CLDN16: variants seen among roughly 807,000 people sequenced by gnomAD.
CLDN16 encodes the protein claudin 16, also known as claudin-16.
A neutral mutation model predicts 24.6 loss-of-function variants in CLDN16; 13 were observed. The observed-to-expected ratio is 0.53, with a 90% CI of 0.34 to 0.84. The LOEUF (loss-of-function observed/expected upper bound fraction) is 0.84. Ranked by LOEUF, CLDN16 falls within the 40% of genes least tolerant of loss-of-function variation. CLDN16 has a pLI of 0.01. For synonymous variants in CLDN16, 116 were observed against 106.7 expected (o/e 1.09, Z -0.54); for missense variants, 298 against 292.7 (o/e 1.02, Z -0.13).
chr3:190,332,852 C>T (rs1422214310), intron 1 of CLDN16, among the ~76,000 whole-genome samples: 1 of 151,492 alleles, frequency 6.6e-6, no homozygotes, highest in Admixed American at 6.6e-5. Flanking sequence ...ATAGTCAAAC[C>T]GAGCCCAGAA....
chr3:190,347,943 G>A (rs556655515), intron 1 of CLDN16, among the ~76,000 whole-genome samples: 1 of 151,762 alleles, frequency 6.6e-6, no homozygotes, highest in African/African-American at 2.4e-5. Context: ...GCGAGGAATC[G>A]GTAGAAGATG....
upstream of CLDN16, among the ~76,000 whole-genome samples, chr3:190,320,873 A>G (rs780858610): frequency 3.3e-5 from 5 of 152,198 alleles, no homozygotes; most frequent in Non-Finnish European, 7.3e-5. Flanking sequence ...GTGATTTCTC[A>G]AGGAAGATAC....
intron 1 of CLDN16, among the ~76,000 whole-genome samples, chr3:190,393,934 G>A (rs549409720): frequency 6.6e-6 from 1 of 151,846 alleles, no homozygotes; most frequent in Non-Finnish European, 1.5e-5. Flanking sequence ...TGTATTTTTT[G>A]TAGAGACGGG....
rs1717812788 is a variant in CLDN16 at position 190,357,985 on chromosome 3, C to G, written n.122-12908C>G. On this transcript the variant is annotated intron_variant and non_coding_transcript_variant, in intron 1 of 4. Transcript: ENST00000468220. ...TCATATTTTTTATATTCCCCTGGGT[C>G]ATGGGAACTAGCACAGAGGTCTGGT... Among the ~76,000 whole-genome samples, 4 of 151,720 alleles carry G rather than the reference C, an allele frequency of 2.6e-5. No individual in the cohort carries two copies. The South Asian group carries it at 8.3e-4, about 31-fold the overall frequency.
chr3:190,389,308 G>A (rs1249853746), intron 1 of CLDN16, among the ~76,000 whole-genome samples: 1 of 152,142 alleles, frequency 6.6e-6, no homozygotes, highest in Middle Eastern at 3.2e-3. Context: ...CTCAAAAAAA[G>A]GAGTATATAG....
At chr3:190,335,011 CTTTTCTT>C (rs907548121) in intron 1 of CLDN16, among the ~76,000 whole-genome samples, 2 of 136,090 alleles carry the variant, frequency 1.5e-5, no homozygotes, top group African/African-American at 3.1e-5. Flanking sequence ...CTTTTCTTTC[CTTTTCTT>C]TTTTCTTTTT....
chr3:190,362,799 A>T, intron 1 of CLDN16, among the ~76,000 whole-genome samples: 1 of 152,018 alleles, frequency 6.6e-6, no homozygotes, highest in East Asian at 1.9e-4. Flanking sequence ...AAAACTGTTA[A>T]TAAGGGTAGG....
chr3:190,296,261 A>G, the CLDN16 span, among the ~76,000 whole-genome samples: 1 of 152,224 alleles, frequency 6.6e-6, no homozygotes, highest in South Asian at 2.1e-4. Context: ...TAATGCATGA[A>G]TAAAAATATA....
chr3:190,306,799 A>C, the CLDN16 span: 1 of 153,020 alleles, frequency 6.5e-6, no homozygotes. Flanking sequence ...GAATGGAAAT[A>C]GACTGGTAGA....
At chr3:190,290,822 A>G in the CLDN16 span, among the ~76,000 whole-genome samples, 1 of 152,242 alleles carries the variant, frequency 6.6e-6, no homozygotes, top group Non-Finnish European at 1.5e-5. Context: ...TTTATCAAAT[A>G]CTAGCTTTGG....
chr3:190,350,840 G>A (rs1348025871), intron 1 of CLDN16, among the ~76,000 whole-genome samples: 1 of 152,138 alleles, frequency 6.6e-6, no homozygotes, highest in Non-Finnish European at 1.5e-5. Context: ...GGTTCACTAT[G>A]ATTTTGCTCA....
At chr3:190,313,371 TC>T in the CLDN16 span, among the ~76,000 whole-genome samples, 1 of 152,348 alleles carries the variant, frequency 6.6e-6, no homozygotes, top group African/African-American at 2.4e-5. Context: ...TAAGGGATTT[TC>T]ATCCTTGCTA....
intron 3 of CLDN16, among the ~76,000 whole-genome samples, chr3:190,406,528 A>G (rs1719100624): frequency 6.6e-6 from 1 of 152,210 alleles, no homozygotes; most frequent in Admixed American, 6.5e-5. Context: ...GATAGGAATG[A>G]CTGAAGAAAT....
chr3:190,397,890 G>A (rs1176244985), intron 1 of CLDN16, among the ~76,000 whole-genome samples: 2 of 152,106 alleles, frequency 1.3e-5, no homozygotes, highest in South Asian at 2.1e-4. Context: ...TTGGCAAGAT[G>A]GAAATACTCT....
At chr3:190,384,761 C>A (rs991699623), upstream of CLDN16, among the ~76,000 whole-genome samples, 2 of 152,136 alleles carry the variant, frequency 1.3e-5, no homozygotes, top group Admixed American at 1.3e-4. Flanking sequence ...TACACATTTG[C>A]TGAGAGCCTA....
the CLDN16 span, among the ~76,000 whole-genome samples, chr3:190,314,112 A>G: frequency 6.6e-6 from 1 of 152,218 alleles, no homozygotes; most frequent in African/African-American, 2.4e-5. Context: ...TATTGTTTGG[A>G]ATAATATTTC....
the CLDN16 span, among the ~76,000 whole-genome samples, chr3:190,299,569 C>T: frequency 0.02 from 3,098 of 151,244 alleles, 114 homozygotes; most frequent in African/African-American, 0.07. Flanking sequence ...ATATTTAAGT[C>T]TTTAACCTAT....
At chr3:190,296,963 T>C in the CLDN16 span, among the ~76,000 whole-genome samples, 1 of 152,106 alleles carries the variant, frequency 6.6e-6, no homozygotes, top group African/African-American at 2.4e-5. Context: ...GAATAAACAG[T>C]AGGACCACAG....
At chr3:190,319,647 G>A (rs116748625), upstream of CLDN16, among the ~76,000 whole-genome samples, 567 of 152,266 alleles carry the variant, frequency 3.7e-3, 2 homozygotes, top group African/African-American at 0.013. Context: ...TGGGAAAGAC[G>A]GCAAGGTACA....
Sources: gnomAD v4.1 joint callset for allele counts (sites outside exome capture counted in the v4.1 genomes callset) on GRCh38, gnomAD v4.1.1 for gene constraint, MANE v1.5 for transcripts, NCBI Gene and HGNC (gene_info 2026-07-23, HGNC 2026-07-21) for gene names.